The following OR52N2 variants were observed in gnomAD, a reference collection of about 807,000 sequenced individuals.
OR52N2 encodes the protein olfactory receptor 52N2.
For synonymous variants in OR52N2, 129 were observed against 72.0 expected, an observed-to-expected ratio of 1.79 and a Z score of -4.01; for missense variants, 326 against 196.6, an observed-to-expected ratio of 1.66 and a Z score of -3.94.
In OR52N2 at chr11:5,820,260, ACTCTCC is replaced by A; in HGVS notation, c.-54-9_-54-4del. On this transcript the variant is annotated splice_polypyrimidine_tract_variant and intron_variant, in intron 1 of 1. Transcript: ENST00000317037. ...ACCAGTACCTCTTATCTCGTCTCTAACTCTCCCTCTCCCTCTCCTAGGCAGAAAGCA... is the reference window on the plus strand; with the variant it reads ...ACCAGTACCTCTTATCTCGTCTCTAACTCTCCCTCTCCTAGGCAGAAAGCA... The A allele has an allele frequency of 2.7e-6, 2 of 729,282 alleles. No homozygotes were observed. The highest frequency in any genetic ancestry group is 2.4e-5 in the East Asian group (1 of 40,910). The allele number at this position is 729,282 out of a possible 1,614,324, so 45.2% of individuals were successfully genotyped here. A position where few individuals can be genotyped will look rare whatever the true frequency, so the allele number is the denominator to read the frequency against.
At chr11:5,813,770 T>C (rs915227488) in intron 1 of OR52N2, among the ~76,000 whole-genome samples, 2 of 152,094 alleles carry the variant, frequency 1.3e-5, no homozygotes, top group African/African-American at 4.8e-5. Context: ...GCAAAAATCC[T>C]CAACAAATTC....
At chr11:5,818,655 G>A (rs549123115) in intron 1 of OR52N2, among the ~76,000 whole-genome samples, 3 of 152,204 alleles carry the variant, frequency 2.0e-5, no homozygotes, top group South Asian at 4.2e-4. Flanking sequence ...ATAGCAGTAA[G>A]GGGCAATGTT....
intron 1 of OR52N2, among the ~76,000 whole-genome samples, chr11:5,814,962 C>G (rs1426453748): frequency 6.6e-6 from 1 of 152,044 alleles, no homozygotes; most frequent in Non-Finnish European, 1.5e-5. Flanking sequence ...CAATATCATT[C>G]AATGTTGAAA....
chr11:5,817,069 T>C (rs910803509), intron 1 of OR52N2, among the ~76,000 whole-genome samples: 4 of 152,170 alleles, frequency 2.6e-5, no homozygotes, highest in African/African-American at 9.7e-5. Flanking sequence ...TTGCTAATGC[T>C]GAAAGCTAAA....
At chr11:5,816,430 T>C (rs1846405016) in intron 1 of OR52N2, among the ~76,000 whole-genome samples, 1 of 152,214 alleles carries the variant, frequency 6.6e-6, no homozygotes, top group African/African-American at 2.4e-5. Context: ...TGATAAATTA[T>C]AGGGCACCCT....
At chr11:5,817,961 A>G (rs1846416669) in intron 1 of OR52N2, among the ~76,000 whole-genome samples, 1 of 152,190 alleles carries the variant, frequency 6.6e-6, no homozygotes, top group Admixed American at 6.5e-5. Flanking sequence ...AGCATATACA[A>G]TGTCATGATG....
chr11:5,820,106 G>T (rs964706536), intron 1 of OR52N2, among the ~76,000 whole-genome samples, 176 bp from the exon 2 acceptor site: 11 of 152,166 alleles, frequency 7.2e-5, no homozygotes, highest in African/African-American at 2.7e-4. Context: ...TTGAGTAGTG[G>T]TAAGACTGTA....
chr11:5,810,520 AAGT>A (rs1325094934), intron 1 of OR52N2, among the ~76,000 whole-genome samples: 2 of 22,870 alleles, frequency 8.7e-5, no homozygotes, highest in South Asian at 3.7e-3. Context: ...AATGTGTTAT[AAGT>A]ATGAGATGTA....
At chr11:5,810,629 G>C (rs762632713) in intron 1 of OR52N2, among the ~76,000 whole-genome samples, 3 of 152,190 alleles carry the variant, frequency 2.0e-5, no homozygotes, top group Non-Finnish European at 2.9e-5. Context: ...GTGGAAGGGG[G>C]ATGGGAGGTA....
intron 1 of OR52N2, 22 bp from the exon 2 acceptor site, chr11:5,820,260 A>ACTCTCC: frequency 1.4e-6 from 1 of 729,286 alleles, no homozygotes; most frequent in Non-Finnish European, 2.5e-6. Flanking sequence ...CTCGTCTCTA[A>ACTCTCC]CTCTCCCTCT....
rs930245813 is a variant in OR52N2 at position 5,821,397 on chromosome 11, G to A, written c.*96G>A. On this transcript the variant is annotated 3_prime_UTR_variant, in exon 2 of 2. Transcript: ENST00000317037. ...TAAAATGGTATTAAAATCATGACAT[G>A]TAATTTACCCATGTAACAAACTTGC... The A allele has an allele frequency of 9.3e-6, 6 of 642,968 alleles. No individual in the cohort carries two copies. The South Asian group carries it at 9.7e-5, about 10-fold the overall frequency. 39.8% of individuals were successfully genotyped at this position (642,968 alleles called of 1,614,324 possible).
rs149464590 is a variant in OR52N2, at chr11:5,818,669, T to C, written c.-54-1613T>C. On this transcript the variant is annotated intron_variant, in intron 1 of 1. Transcript: ENST00000317037. ...AATAGCAGTAAGGGGCAATGTTTTT[T>C]ACTTTCTCTTTCACTTCTTAAGAGG... 9.4e-3 allele frequency among the ~76,000 whole-genome samples: 1,438 copies of C among 152,336 alleles called. 13 individuals are homozygous for C. The highest frequency in any genetic ancestry group is 0.014 in the Non-Finnish European group (921 of 68,024).
Position 5,808,963 on chromosome 11 carries a change from T to G in OR52N2, c.-146T>G, listed in dbSNP as rs1564971051. ...TGCAAGCCTCTCCTCCTCGCGTTGC[T>G]GAGAGTCCGAGTTTATTCATCACAA... On this transcript the variant is annotated 5_prime_UTR_variant, in exon 1 of 2. Transcript: ENST00000317037. Among the ~76,000 whole-genome samples the G allele has an allele frequency of 6.6e-6, 1 of 152,024 alleles. No individual in the cohort carries two copies. Among genetic ancestry groups the G allele is most frequent in the Non-Finnish European group, 1.5e-5 (1 of 68,018 alleles).
chr11:5,813,675 T>C (rs532152318), intron 1 of OR52N2, among the ~76,000 whole-genome samples: 7 of 152,300 alleles, frequency 4.6e-5, no homozygotes, highest in African/African-American at 1.7e-4. Context: ...TCCAAACTCA[T>C]TTTAATAAGC....
In OR52N2 at chr11:5,820,907, G is replaced by A. The variant is rs1276933895; in HGVS notation, c.572G>A (p.Cys191Tyr). The A allele has an allele frequency of 1.3e-6, 1 of 781,020 alleles. No individual in the cohort carries two copies. The highest frequency in any genetic ancestry group is 2.4e-6 in the Non-Finnish European group (1 of 418,124). 48.4% of individuals were successfully genotyped at this position (781,020 alleles called of 1,614,324 possible). A position where few individuals can be genotyped will look rare whatever the true frequency, so the allele number is the denominator to read the frequency against. ...CATATGTCTGTGGCCAAGGTATCCT[G>A]TGGCAATTTCAAGGTCAATGCTATT... is the stretch of plus-strand genomic sequence containing the variant. ...CDHMSVAKVS[C>Y]GNFKVNAIYG... The change falls in exon 2 of 2, where the codon TGT (cysteine) becomes TAT (tyrosine). Residue 191 changes from cysteine (C) to tyrosine (Y), a missense_variant. Coordinates refer to ENST00000317037, the MANE Select transcript of OR52N2 (RefSeq NM_001005174.3).
rs1325632642 is a variant in OR52N2 at position 5,821,334 on chromosome 11, A to G, written c.*33A>G. 4.2e-6 allele frequency: 3 copies of G among 719,710 alleles called. No homozygotes were observed. Among genetic ancestry groups the G allele is most frequent in the Non-Finnish European group, 5.1e-6 (2 of 392,642 alleles). 44.6% of individuals were successfully genotyped at this position (719,710 alleles called of 1,614,324 possible). ...AATAGACATATTGTTTCAGGTGGTG[A>G]GAAAATAATGGAGACAAAATTTCAT... On this transcript the variant is annotated 3_prime_UTR_variant, in exon 2 of 2. Coordinates refer to ENST00000317037, the MANE Select transcript of OR52N2 (RefSeq NM_001005174.3).
At chr11:5,816,591 G>A (rs1052724957) in intron 1 of OR52N2, among the ~76,000 whole-genome samples, 2 of 150,758 alleles carry the variant, frequency 1.3e-5, no homozygotes, top group African/African-American at 2.5e-5. Flanking sequence ...CCAGGCTGGA[G>A]TGCAGTAGAG....
intron 1 of OR52N2, among the ~76,000 whole-genome samples, chr11:5,819,181 A>G (rs963194417): frequency 3.0e-4 from 45 of 151,816 alleles, no homozygotes; most frequent in Non-Finnish European, 5.0e-4. Flanking sequence ...GGTCTACTAC[A>G]GAACTTAAGG....
chr11:5,821,073 CAT>C lies in OR52N2; in HGVS notation c.739_740del (p.Met247ValfsTer61). The C allele has an allele frequency of 2.6e-6, 2 of 781,022 alleles. No individual in the cohort carries two copies. Among genetic ancestry groups the C allele is most frequent in the Non-Finnish European group, 4.8e-6 (2 of 418,094 alleles). The allele number at this position is 781,022 out of a possible 1,614,324, so 48.4% of individuals were successfully genotyped here. A position where few individuals can be genotyped will look rare whatever the true frequency, so the allele number is the denominator to read the frequency against. ...AAGCCTTCAGCACCTGCACATCTCA[CAT>C]GTGTTCCATTGTGATCACCTATGTT... is the stretch of plus-strand genomic sequence containing the variant. The part of the protein sequence containing the change: ...HKAFSTCTSH[M>X]CSIVITYVAA... On this transcript the variant is annotated frameshift_variant, in exon 2 of 2. Transcript: ENST00000317037. LOFTEE classifies it low-confidence loss of function (END_TRUNC).
Sources: gnomAD v4.1 joint callset for allele counts (sites outside exome capture counted in the v4.1 genomes callset) on GRCh38, gnomAD v4.1.1 for gene constraint, MANE v1.5 for transcripts, NCBI Gene and HGNC (gene_info 2026-07-23, HGNC 2026-07-21) for gene names.